The following SPMIP8 variants were observed in gnomAD, a reference collection of about 807,000 sequenced individuals.
SPMIP8 encodes sperm microtubule inner protein 8, also known as testicular tissue protein Li 196.
chr16:57,985,553 G>A, the SPMIP8 span: 1 of 1,589,022 alleles, frequency 6.3e-7, no homozygotes, highest in Admixed American at 1.8e-5. Flanking sequence ...CCCTGTAAGT[G>A]ACGCCACGCG....
the SPMIP8 span, chr16:57,984,939 G>A: frequency 7.6e-7 from 1 of 1,313,650 alleles, no homozygotes; most frequent in Non-Finnish European, 1.0e-6. Context: ...CTGAGATGAA[G>A]CTGTGGCACT....
the SPMIP8 span, chr16:57,976,625 G>T: frequency 1.2e-6 from 2 of 1,613,834 alleles, no homozygotes; most frequent in Non-Finnish European, 1.7e-6. Context: ...AGATAAGGTA[G>T]CTGCTATTGG....
the SPMIP8 span, chr16:57,985,817 C>A: frequency 2.7e-6 from 4 of 1,475,606 alleles, no homozygotes; most frequent in Admixed American, 6.8e-5. Context: ...GGAGGGATGG[C>A]GGGGAGAGGG....
the SPMIP8 span, among the ~76,000 whole-genome samples, chr16:57,979,134 C>T: frequency 1.3e-5 from 2 of 152,130 alleles, no homozygotes; most frequent in African/African-American, 2.4e-5. Context: ...GAGGAGCTTG[C>T]GTGTGGAGGG....
the SPMIP8 span, chr16:57,985,819 G>T: frequency 6.7e-7 from 1 of 1,485,994 alleles, no homozygotes; most frequent in East Asian, 2.4e-5. Flanking sequence ...AGGGATGGCG[G>T]GGAGAGGGGG....
At chr16:57,986,166 C>A in the SPMIP8 span, 1 of 474,318 alleles carries the variant, frequency 2.1e-6, no homozygotes, top group Non-Finnish European at 3.7e-6. Context: ...GGGTCCACAT[C>A]CCACCAGGTT....
the SPMIP8 span, among the ~76,000 whole-genome samples, chr16:57,980,915 A>C: frequency 9.2e-5 from 14 of 152,176 alleles, no homozygotes; most frequent in East Asian, 2.7e-3. Flanking sequence ...GGGTTACACT[A>C]TGTTGCCAGG....
the SPMIP8 span, chr16:57,984,728 C>CT: frequency 6.2e-7 from 1 of 1,603,668 alleles, no homozygotes; most frequent in African/African-American, 1.3e-5. Context: ...TGGACTGGCC[C>CT]TGCTTCACGC....
chr16:57,977,922 G>A, the SPMIP8 span: 1 of 1,614,110 alleles, frequency 6.2e-7, no homozygotes, highest in Admixed American at 1.7e-5. Context: ...CCAGCTGGCG[G>A]GCGTGAAGCA....
chr16:57,984,332 C>T, the SPMIP8 span: 3 of 1,614,230 alleles, frequency 1.9e-6, no homozygotes, highest in Admixed American at 1.7e-5. Flanking sequence ...TTTTACACTC[C>T]TTGGGGTCCC....
At chr16:57,978,243 A>T in the SPMIP8 span, among the ~76,000 whole-genome samples, 1 of 152,184 alleles carries the variant, frequency 6.6e-6, no homozygotes, top group Non-Finnish European at 1.5e-5. Context: ...TTGTGGGGTT[A>T]GAAGGAGATA....
chr16:57,977,074 C>T, the SPMIP8 span, among the ~76,000 whole-genome samples: 2 of 152,146 alleles, frequency 1.3e-5, no homozygotes, highest in African/African-American at 4.8e-5. Flanking sequence ...TACTAAGCTA[C>T]ATTCTGAACC....
At chr16:57,978,372 T>C in the SPMIP8 span, among the ~76,000 whole-genome samples, 1 of 152,050 alleles carries the variant, frequency 6.6e-6, no homozygotes, top group Admixed American at 6.5e-5. Flanking sequence ...AAACCCCATC[T>C]CTACTAAAAA....
the SPMIP8 span, chr16:57,976,617 A>C: frequency 6.2e-7 from 1 of 1,613,990 alleles, no homozygotes; most frequent in Non-Finnish European, 8.5e-7. Flanking sequence ...GGCCCTACAG[A>C]TAAGGTAGCT....
chr16:57,977,754 G>A, the SPMIP8 span: 3 of 1,550,432 alleles, frequency 1.9e-6, no homozygotes, highest in Non-Finnish European at 2.6e-6. Flanking sequence ...TTTTCATGCA[G>A]AGAAGGGTGT....
chr16:57,984,604 C>T, the SPMIP8 span: 1 of 1,519,942 alleles, frequency 6.6e-7, no homozygotes, highest in Non-Finnish European at 8.8e-7. Context: ...GCGGCTACGG[C>T]CGCGCGGGCC....
At chr16:57,977,407 C>CAAAAAAAAAA in the SPMIP8 span, among the ~76,000 whole-genome samples, 13 of 99,712 alleles carry the variant, frequency 1.3e-4, no homozygotes, top group Non-Finnish European at 1.4e-4. Flanking sequence ...GAGACTGTCT[C>CAAAAAAAAAA]AAAAAAAAAA....
the SPMIP8 span, chr16:57,985,058 GC>G: frequency 8.9e-7 from 1 of 1,123,160 alleles, no homozygotes; most frequent in Non-Finnish European, 1.2e-6. Context: ...CCCTGGTGGG[GC>G]AGCGGAGGCG....
At chr16:57,978,033 C>A in the SPMIP8 span, 1 of 1,613,548 alleles carries the variant, frequency 6.2e-7, no homozygotes, top group Admixed American at 1.7e-5. Flanking sequence ...CACCTACTGC[C>A]GCAAAGGTTA....
Sources: allele counts gnomAD v4.1 joint callset (sites outside exome capture counted in the v4.1 genomes callset), GRCh38; gene constraint gnomAD v4.1.1; transcripts MANE v1.5; gene names NCBI Gene and HGNC (gene_info 2026-07-23, HGNC 2026-07-21).